The following LRRC43 variants were observed in gnomAD, a reference collection of about 807,000 sequenced individuals.
LRRC43 encodes the protein leucine-rich repeat-containing protein 43.
In LRRC43, 62 loss-of-function variants were observed where a neutral mutation model predicts 64.3. The ratio of observed to expected loss-of-function variants is 0.96; its 90% confidence interval spans 0.79 to 1.19. The LOEUF (loss-of-function observed/expected upper bound fraction) is 1.19. Among genes scored for constraint, LRRC43 ranks in the 50% most tolerant of loss-of-function variants. LRRC43 has a pLI of 0.00. For synonymous variants in LRRC43, 422 were observed against 382.3 expected, an observed-to-expected ratio of 1.10 and a Z score of -1.21; for missense variants, 868 against 845.0, an observed-to-expected ratio of 1.03 and a Z score of -0.34.
chr12:122,180,634 AG>A (rs1953573890), upstream of LRRC43, among the ~76,000 whole-genome samples: 1 of 152,146 alleles, frequency 6.6e-6, no homozygotes, highest in Non-Finnish European at 1.5e-5. Flanking sequence ...GAAGGGTGGA[AG>A]GGCTTCCTGG....
In LRRC43 at chr12:122,190,122, C is replaced by T. The variant is rs1447974903; in HGVS notation, c.663-8C>T. The stretch of plus-strand genomic sequence containing the variant: ...CTTGACCCCCAGACGGTCCTGCTCA[C>T]CTTCCAGGCCCAACCTCGTCTCCCT... On this transcript the variant is annotated splice_region_variant and splice_polypyrimidine_tract_variant and intron_variant, in intron 4 of 11. Coordinates refer to ENST00000339777, the MANE Select transcript of LRRC43 (RefSeq NM_001098519.2). 12 of 1,612,020 alleles carry T rather than the reference C, an allele frequency of 7.4e-6. No homozygotes were observed. The highest frequency in any genetic ancestry group is 1.7e-5 in the Admixed American group (1 of 59,998).
upstream of LRRC43, among the ~76,000 whole-genome samples, chr12:122,182,545 A>AAGCCG (rs1953591364): frequency 1.4e-5 from 2 of 144,472 alleles, no homozygotes; most frequent in Non-Finnish European, 3.0e-5. Context: ...AAAAAAAAAA[A>AAGCCG]AGCCGGAAGT....
At chr12:122,170,627 C>T (rs966261130) in intron 1 of LRRC43, among the ~76,000 whole-genome samples, 2 of 150,942 alleles carry the variant, frequency 1.3e-5, no homozygotes, top group African/African-American at 4.9e-5. Context: ...TGAGACTCTC[C>T]GAAGGAAAAA....
At chr12:122,187,677 C>G (rs202034748) in intron 3 of LRRC43, 24 bp from the exon 4 acceptor site, 44 of 1,610,722 alleles carry the variant, frequency 2.7e-5, no homozygotes, top group Middle Eastern at 3.3e-4. Context: ...CCCATCGTCC[C>G]GGGCCTTCCG....
intron 7 of LRRC43, among the ~76,000 whole-genome samples, chr12:122,194,566 CAAA>C (rs558202112): frequency 4.3e-5 from 4 of 93,732 alleles, no homozygotes; most frequent in Middle Eastern, 6.0e-3. Context: ...AGCTCCGTCT[CAAA>C]AAAAAAAAAA....
At chr12:122,198,623 CTTTTTTTT>C (rs1012460173) in intron 7 of LRRC43, among the ~76,000 whole-genome samples, 3 of 100,496 alleles carry the variant, frequency 3.0e-5, no homozygotes, top group Non-Finnish European at 5.7e-5. Context: ...TGCTTCATTC[CTTTTTTTT>C]TTTTTTTTTT....
chr12:122,195,871 A>G (rs55649545), intron 7 of LRRC43, among the ~76,000 whole-genome samples: 3,773 of 152,114 alleles, frequency 0.025, 142 homozygotes, highest in African/African-American at 0.086. Flanking sequence ...CACTTCTATT[A>G]TGTGTTCTTC....
At chr12:122,195,703 A>T (rs531533175) in intron 7 of LRRC43, among the ~76,000 whole-genome samples, 1 of 152,140 alleles carries the variant, frequency 6.6e-6, no homozygotes, top group African/African-American at 2.4e-5. Flanking sequence ...TTTTACTATG[A>T]TGTCTCTGGG....
intron 3 of LRRC43, among the ~76,000 whole-genome samples, chr12:122,187,113 A>T (rs1036274105): frequency 1.5e-4 from 23 of 149,392 alleles, no homozygotes; most frequent in African/African-American, 5.7e-4. Context: ...TGCCTGTAAT[A>T]GCAGCTACTC....
At chr12:122,198,283 G>A (rs1204393506) in intron 7 of LRRC43, among the ~76,000 whole-genome samples, 1 of 152,104 alleles carries the variant, frequency 6.6e-6, no homozygotes, top group Non-Finnish European at 1.5e-5. Context: ...CACTGCGCCC[G>A]GCCGAGATAT....
intron 11 of LRRC43, among the ~76,000 whole-genome samples, chr12:122,201,805 G>A (rs924476949): frequency 1.7e-4 from 26 of 152,150 alleles, no homozygotes; most frequent in Admixed American, 7.2e-4. Context: ...CATGAGGCCC[G>A]ATCATAGCAG....
rs1002739455 is a variant in LRRC43, at chr12:122,190,901, G to A, written c.902-479G>A. ...GGAGGATCACTTGAGCCCAGGAGGT[G>A]GAGGCTGCAGTGAGCTATCATCTCA... On this transcript the variant is annotated intron_variant, in intron 5 of 11. Coordinates refer to ENST00000339777, the MANE Select transcript of LRRC43 (RefSeq NM_001098519.2). 2.0e-5 allele frequency among the ~76,000 whole-genome samples: 3 copies of A among 151,592 alleles called. No individual in the cohort carries two copies. In the East Asian group the frequency reaches 5.8e-4, roughly 29 times the overall value.
chr12:122,197,164 C>A (rs1344136610), intron 7 of LRRC43, among the ~76,000 whole-genome samples: 2 of 152,048 alleles, frequency 1.3e-5, no homozygotes, highest in African/African-American at 4.8e-5. Context: ...TAAGGTCATA[C>A]CCCGTCTCCT....
Position 122,200,824 on chromosome 12 carries a change from C to CG in LRRC43, c.1703dup (p.Leu569ProfsTer29), listed in dbSNP as rs769834867. 4 of 1,613,174 alleles carry CG rather than the reference C, an allele frequency of 2.5e-6. 1 individual carries two copies. In the South Asian group the frequency reaches 4.4e-5, roughly 18 times the overall value. ...CCCCCCCATCCTCCAGGTGCTGGGC[C>CG]GGGGCCTGGTGATCCTGGAGCCCCT... is the stretch of plus-strand genomic sequence containing the variant. On this transcript the variant is annotated frameshift_variant, in exon 10 of 12. Transcript: ENST00000339777. LOFTEE classifies it high-confidence loss of function. This position sits in a 1 kb window ranked among gnomAD's most constrained non-coding sequence, Gnocchi z 4.6.
Position 122,171,174 on chromosome 12 carries a change from T to TGACA in LRRC43, c.-406+3394_-406+3397dup, listed in dbSNP as rs573076790. On this transcript the variant is annotated intron_variant, in intron 1 of 5. Transcript: ENST00000537729. The stretch of plus-strand genomic sequence containing the variant: ...GATTGCTGCATGCCGCGCCTGGCAT[T>TGACA]GACAGCCTGTGAGGCCCAACCACTG... Among the ~76,000 whole-genome samples the TGACA allele has an allele frequency of 6.3e-3, 964 of 152,286 alleles. 12 individuals are homozygous for TGACA. The highest frequency in any genetic ancestry group is 6.3e-3 in the Non-Finnish European group (430 of 68,024).
At chr12:122,179,002 G>T (rs1158812771), upstream of LRRC43, among the ~76,000 whole-genome samples, 8 of 152,194 alleles carry the variant, frequency 5.3e-5, no homozygotes, top group African/African-American at 1.9e-4. Context: ...AATGATATTG[G>T]TACAAACGAA....
chr12:122,201,158 G>T (rs1403525574), intron 10 of LRRC43, 138 bp from the exon 11 acceptor site: 1 of 1,061,730 alleles, frequency 9.4e-7, no homozygotes, highest in Non-Finnish European at 1.4e-6. Context: ...GGGATGGGCT[G>T]GGGCAGCCAC....
intron 1 of LRRC43, among the ~76,000 whole-genome samples, chr12:122,177,536 GCT>G (rs1953547482): frequency 6.9e-6 from 1 of 145,016 alleles, no homozygotes; most frequent in Non-Finnish European, 1.5e-5. Flanking sequence ...AAAGGATCTT[GCT>G]CTCTCACCCA....
In LRRC43 at chr12:122,200,419, G is replaced by C. The variant is rs11060679; in HGVS notation, c.1491+89G>C. On this transcript the variant is annotated intron_variant, in intron 8 of 11. Transcript: ENST00000339777. The surrounding 1 kb of genome is among the most constrained non-coding windows in gnomAD (Gnocchi z 4.6). The stretch of plus-strand genomic sequence containing the variant: ...CATCGGGCTGTCCCCCATGGGAGCC[G>C]CACTCCCTGGTTAGATGAGTTCTCA... 1 allele frequency: 1,608,100 copies of C among 1,609,304 alleles called. 803,456 individuals carry two copies. The highest frequency in any genetic ancestry group is 1 in the East Asian group (44,818 of 44,818).
Sources: gnomAD v4.1 joint callset for allele counts (sites outside exome capture counted in the v4.1 genomes callset) on GRCh38, gnomAD v4.1.1 for gene constraint, Gnocchi (gnomAD v3.1) non-coding constraint, MANE v1.5 for transcripts, NCBI Gene and HGNC (gene_info 2026-07-23, HGNC 2026-07-21) for gene names.